The following GPHN variants were observed in gnomAD, a reference collection of about 807,000 sequenced individuals.
GPHN encodes gephyrin.
In GPHN, 17 loss-of-function variants were observed where a neutral mutation model predicts 95.5. The observed-to-expected ratio is 0.18, with a 90% CI of 0.12 to 0.27. The LOEUF is 0.27. GPHN is among the 10% of genes least tolerant of loss of function. The pLI is 1.00. For synonymous variants in GPHN, 320 were observed against 322.5 expected, an observed-to-expected ratio of 0.99 and a Z score of 0.08; for missense variants, 660 against 978.1, an observed-to-expected ratio of 0.67 and a Z score of 4.34.
At chr14:66,874,256 C>A (rs1228195325) in intron 4 of GPHN, among the ~76,000 whole-genome samples, 1 of 152,116 alleles carries the variant, frequency 6.6e-6, no homozygotes, top group African/African-American at 2.4e-5. Context: ...CAAAGGTCAC[C>A]AACATCAAAG....
At chr14:67,563,023 T>C in the GPHN span, 1 of 906,564 alleles carries the variant, frequency 1.1e-6, no homozygotes, top group East Asian at 2.6e-5. Flanking sequence ...GGCAGGCAGG[T>C]ACCATGGAGC....
At chr14:67,357,387 T>G in the GPHN span, among the ~76,000 whole-genome samples, 2 of 152,210 alleles carry the variant, frequency 1.3e-5, no homozygotes, top group Non-Finnish European at 2.9e-5. Flanking sequence ...TCTGACTACA[T>G]GACAAAAAGC....
chr14:66,991,030 A>G lies in GPHN; in HGVS notation c.963+25705A>G, dbSNP rs992158513. Among the ~76,000 whole-genome samples, 12 of 152,186 alleles carry G rather than the reference A, an allele frequency of 7.9e-5. No individual in the cohort carries two copies. In the East Asian group the frequency reaches 2.3e-3, roughly 29 times the overall value. ...TACCACTATTGATTAAGGATAATGT[A>G]ATCAACAATATAAAATAGAATATTC... On this transcript the variant is annotated intron_variant, in intron 9 of 22. Transcript: ENST00000478722.
chr14:66,777,020 A>G (rs1053023791), intron 3 of GPHN, among the ~76,000 whole-genome samples: 4 of 151,960 alleles, frequency 2.6e-5, no homozygotes, highest in African/African-American at 4.8e-5. Context: ...ATATCTCCCA[A>G]TGCTATCCCG....
At chr14:67,319,706 C>T in the GPHN span, among the ~76,000 whole-genome samples, 1 of 152,090 alleles carries the variant, frequency 6.6e-6, no homozygotes, top group Non-Finnish European at 1.5e-5. Flanking sequence ...TCCTGGGCTG[C>T]ATGCAGCTCA....
At chr14:66,516,361 G>GTA (rs2058247903) in intron 1 of GPHN, among the ~76,000 whole-genome samples, 1 of 151,960 alleles carries the variant, frequency 6.6e-6, no homozygotes, top group Non-Finnish European at 1.5e-5. Flanking sequence ...CTGTTACTGT[G>GTA]ACATGATAGT....
At chr14:67,575,125 A>G in the GPHN span, among the ~76,000 whole-genome samples, 5 of 152,102 alleles carry the variant, frequency 3.3e-5, no homozygotes, top group African/African-American at 1.2e-4. Context: ...TCCTATTTTC[A>G]TATGCCTGGA....
chr14:67,579,291 T>C, the GPHN span: 1 of 1,551,780 alleles, frequency 6.4e-7, no homozygotes, highest in Non-Finnish European at 8.7e-7. Flanking sequence ...CCCCGTGCAC[T>C]TTACCAACGG....
intron 9 of GPHN, among the ~76,000 whole-genome samples, chr14:67,001,659 C>G (rs1030558619): frequency 6.6e-6 from 1 of 151,660 alleles, no homozygotes; most frequent in African/African-American, 2.4e-5. Context: ...ATCCTTACTT[C>G]GGATACATAA....
intron 4 of GPHN, among the ~76,000 whole-genome samples, chr14:66,830,611 A>G (rs527925372): frequency 6.6e-6 from 1 of 152,258 alleles, no homozygotes; most frequent in South Asian, 2.1e-4. Flanking sequence ...AGGAATATTT[A>G]TTTAAAAGAG....
intron 1 of GPHN, among the ~76,000 whole-genome samples, chr14:66,546,447 C>G (rs79333893): frequency 6.6e-6 from 1 of 152,040 alleles, no homozygotes; most frequent in Admixed American, 6.5e-5. Context: ...TGTAGTGAGC[C>G]GAGATCACGC....
the GPHN span, among the ~76,000 whole-genome samples, chr14:67,391,658 G>A: frequency 1.3e-5 from 2 of 152,158 alleles, no homozygotes; most frequent in Admixed American, 6.5e-5. Context: ...GCACAAACAC[G>A]AAGGCTGTGC....
the GPHN span, among the ~76,000 whole-genome samples, chr14:67,322,363 AAAAC>A: frequency 1.8e-4 from 27 of 152,244 alleles, no homozygotes; most frequent in African/African-American, 6.5e-4. Context: ...CAAAAACAAA[AAAAC>A]CTAATTTTAG....
At chr14:66,958,272 A>C (rs984156767) in intron 8 of GPHN, among the ~76,000 whole-genome samples, 1 of 151,856 alleles carries the variant, frequency 6.6e-6, no homozygotes, top group Non-Finnish European at 1.5e-5. Flanking sequence ...TTCAAAGTTG[A>C]TTTTGTCTGA....
intron 6 of GPHN, among the ~76,000 whole-genome samples, chr14:66,920,642 A>G (rs527841114): frequency 1.3e-5 from 2 of 150,456 alleles, no homozygotes; most frequent in South Asian, 4.2e-4. Flanking sequence ...GTATTTGCTT[A>G]CATGAGTAAG....
the GPHN span, among the ~76,000 whole-genome samples, chr14:67,299,240 C>G: frequency 2.6e-5 from 4 of 152,202 alleles, no homozygotes; most frequent in Admixed American, 2.0e-4. Flanking sequence ...CCATTTTAAT[C>G]GTCTTGAGTT....
chr14:67,598,083 T>C, the GPHN span, among the ~76,000 whole-genome samples: 1 of 152,192 alleles, frequency 6.6e-6, no homozygotes, highest in Non-Finnish European at 1.5e-5. Context: ...ATTCAAACAA[T>C]TCAATATTAA....
At chr14:66,791,180 A>T (rs1409398166) in intron 3 of GPHN, among the ~76,000 whole-genome samples, 2 of 152,058 alleles carry the variant, frequency 1.3e-5, no homozygotes, top group African/African-American at 4.8e-5. Context: ...ACCCAATCCC[A>T]TCCTTTACCT....
At chr14:67,151,210 A>G (rs2081267577) in intron 18 of GPHN, among the ~76,000 whole-genome samples, 1 of 152,252 alleles carries the variant, frequency 6.6e-6, no homozygotes, top group Non-Finnish European at 1.5e-5. Context: ...CAATAGCTTC[A>G]GTTCTACTTA....
Sources: gnomAD v4.1 joint callset for allele counts (sites outside exome capture counted in the v4.1 genomes callset) on GRCh38, gnomAD v4.1.1 for gene constraint, MANE v1.5 for transcripts, NCBI Gene and HGNC (gene_info 2026-07-23, HGNC 2026-07-21) for gene names.